Variants in HDAC7 observed in about 807,000 individuals in gnomAD.
HDAC7 encodes the protein histone deacetylase 7.
HDAC7 carries 26 observed loss-of-function variants against 115.5 expected under a neutral mutation model. The ratio of observed to expected loss-of-function variants is 0.23; its 90% CI spans 0.16 to 0.31. The LOEUF (loss-of-function observed/expected upper bound fraction) is 0.31, where lower values mean the gene tolerates loss of function less well. Among genes scored for constraint, HDAC7 ranks in the 10% least tolerant of loss-of-function variants. HDAC7 has a pLI of 1.00. For missense variants in HDAC7, 1,068 were observed against 1,329.0 expected (o/e 0.80, Z 3.05); for synonymous variants, 564 against 550.9 (o/e 1.02, Z -0.33).
chr12:47,794,559 G>C (rs1267757416), intron 12 of HDAC7, among the ~76,000 whole-genome samples: 1 of 152,244 alleles, frequency 6.6e-6, no homozygotes, highest in Admixed American at 6.5e-5. Flanking sequence ...GTGTGTATGT[G>C]TGTGTATGGG....
chr12:47,796,719 C>T (rs527767783), intron 7 of HDAC7, among the ~76,000 whole-genome samples: 3 of 152,202 alleles, frequency 2.0e-5, no homozygotes, highest in African/African-American at 4.8e-5. Context: ...CCACCGCGCC[C>T]GGCCTCCTGC....
At chr12:47,791,507 C>T (rs1943510520) in intron 15 of HDAC7, 79 bp downstream of exon 15, 5 of 1,518,478 alleles carry the variant, frequency 3.3e-6, no homozygotes, top group Middle Eastern at 3.6e-4. Flanking sequence ...GCTGGCTGGG[C>T]GGGCAGAGCC....
intron 23 of HDAC7, 21 bp downstream of exon 23, chr12:47,785,731 T>TG (rs1178506148): frequency 2.5e-6 from 4 of 1,596,652 alleles, no homozygotes; most frequent in East Asian, 2.3e-5. Flanking sequence ...GAAGCATGGA[T>TG]GGGGGAGGGA....
At position 47,797,895 on chromosome 12, in the gene HDAC7, T is replaced by A. The variant is rs11835083; in HGVS notation, c.461+213A>T. Among the ~76,000 whole-genome samples, 585 of 143,392 alleles carry A rather than the reference T, an allele frequency of 4.1e-3. 5 individuals carry two copies. Among genetic ancestry groups the A allele is most frequent in the African/African-American group, 5.6e-3 (203 of 36,488 alleles). The allele number at this position is 143,392 out of a possible 152,430, so 94.1% of individuals were successfully genotyped here. On this transcript the variant is annotated intron_variant, in intron 5 of 25. Coordinates refer to ENST00000080059, the MANE Select transcript of HDAC7 (RefSeq NM_015401.5). This position sits in a 1 kb window ranked among gnomAD's most constrained non-coding sequence, Gnocchi z 5.5. The stretch of plus-strand genomic sequence containing the variant: ...GTGTGTGTGTGTGTGTGTGTGTGTG[T>A]GAGAAGGGCTCAGGTGGGGTGGGGA...
chr12:47,821,324 C>G (rs1259964924), upstream of HDAC7, among the ~76,000 whole-genome samples: 4 of 152,162 alleles, frequency 2.6e-5, no homozygotes, highest in East Asian at 7.7e-4. Context: ...CTGTTGCTAC[C>G]GGCATATTCA....
At position 47,818,203 on chromosome 12, in the gene HDAC7, G is replaced by C. The variant is rs751599223; in HGVS notation, c.19+1564C>G. Among the ~76,000 whole-genome samples, 3 of 152,274 alleles carry C rather than the reference G, an allele frequency of 2.0e-5. No individual in the cohort carries two copies. In the South Asian group the frequency reaches 6.2e-4, roughly 32 times the overall value. On this transcript the variant is annotated intron_variant, in intron 1 of 25. Transcript: ENST00000080059. ...AGACACCCGCCGAATAAGGGACACA[G>C]AGGCCTCTGGAGAACACTGCACCAG...
Position 47,793,331 on chromosome 12 carries a change from G to GCCCCCCCC in HDAC7, c.1678+37_1678+38insGGGGGGGG. The stretch of plus-strand genomic sequence containing the variant: ...CACCCACATGGACTCGTGCAGCCGA[G>GCCCCCCCC]CCCCTCCCTCCACCCGCCACCCTCC... On this transcript the variant is annotated intron_variant, in intron 13 of 25. Coordinates refer to ENST00000080059, the MANE Select transcript of HDAC7 (RefSeq NM_015401.5). This position sits in a 1 kb window ranked among gnomAD's most constrained non-coding sequence, Gnocchi z 4.5. 5.4e-6 allele frequency: 7 copies of GCCCCCCCC among 1,305,480 alleles called. No homozygotes were observed. Among genetic ancestry groups the GCCCCCCCC allele is most frequent in the Middle Eastern group, 2.7e-4 (1 of 3,720 alleles). The allele number at this position is 1,305,480 out of a possible 1,614,324, so 80.9% of individuals were successfully genotyped here.
chr12:47,813,285 G>C lies in HDAC7; in HGVS notation c.19+6482C>G, dbSNP rs1488329579. 6 of 151,788 alleles carry C rather than the reference G, an allele frequency of 4.0e-5. No homozygotes were observed. In the East Asian group the frequency reaches 1.2e-3, roughly 30 times the overall value. 9.4% of individuals were successfully genotyped at this position (151,788 alleles called of 1,614,324 possible). A position where few individuals can be genotyped will look rare whatever the true frequency, so the allele number is the denominator to read the frequency against. ...ACGCGCCTGGGAGGGCGCAGCGGAC[G>C]TCCCGGACGTGCAGGTTTGTGGGGC... is the stretch of plus-strand genomic sequence containing the variant. On this transcript the variant is annotated intron_variant, in intron 1 of 25. Coordinates refer to ENST00000080059, the MANE Select transcript of HDAC7 (RefSeq NM_015401.5).
At chr12:47,804,541 G>C (rs1053688303) in intron 1 of HDAC7, among the ~76,000 whole-genome samples, 2 of 146,814 alleles carry the variant, frequency 1.4e-5, no homozygotes, top group Non-Finnish European at 3.0e-5. Flanking sequence ...AAAAAAAAAA[G>C]AGAAGTAAAT....
chr12:47,784,329 G>A, intron 24 of HDAC7, 112 bp from the exon 25 acceptor site: 1 of 1,225,360 alleles, frequency 8.2e-7, no homozygotes, highest in Non-Finnish European at 1.1e-6. Flanking sequence ...GGAGGAGCGG[G>A]CCTGTCCTCC....
chr12:47,785,622 C>T, intron 23 of HDAC7, 130 bp downstream of exon 23: 1 of 1,378,960 alleles, frequency 7.3e-7, no homozygotes, highest in Non-Finnish European at 9.8e-7. Flanking sequence ...GAGGCTTCCG[C>T]TTCGCCTACC....
chr12:47,787,935 G>C, intron 20 of HDAC7, 110 bp downstream of exon 20: 1 of 1,562,244 alleles, frequency 6.4e-7, no homozygotes, highest in Non-Finnish European at 8.7e-7. Flanking sequence ...TTTAGGATCA[G>C]AGAGGCTCAG....
At position 47,783,308 on chromosome 12, in the gene HDAC7, C is replaced by T. The variant is rs529057782; in HGVS notation, c.*533G>A. 246 of 156,914 alleles carry T rather than the reference C, an allele frequency of 1.6e-3. No individual in the cohort carries two copies. Among genetic ancestry groups the T allele is most frequent in the African/African-American group, 5.3e-3 (219 of 41,550 alleles). The allele number at this position is 156,914 out of a possible 1,614,324, so 9.7% of individuals were successfully genotyped here. On this transcript the variant is annotated 3_prime_UTR_variant, in exon 26 of 26. Transcript: ENST00000080059. ...AGTGCCCAGTGGTAGAGGGAAGCTT[C>T]CAGAGTCGTCTGAGGAAGCAGGTGA...
chr12:47,789,479 C>T (rs765030024), intron 18 of HDAC7, 44 bp downstream of exon 18: 1 of 1,600,160 alleles, frequency 6.2e-7, no homozygotes, highest in South Asian at 1.1e-5. Flanking sequence ...TTCCTGGGGG[C>T]TTGCCCCCCA....
chr12:47,802,412 C>A (rs1377135010), intron 1 of HDAC7, 138 bp from the exon 2 acceptor site: 1 of 1,540,716 alleles, frequency 6.5e-7, no homozygotes, highest in Non-Finnish European at 8.8e-7. Flanking sequence ...CCACCAGAAG[C>A]TAATCAAAAC....
chr12:47,803,855 C>G lies in HDAC7; in HGVS notation c.20-1581G>C, dbSNP rs997954684. On this transcript the variant is annotated intron_variant, in intron 1 of 25. Coordinates refer to ENST00000080059, the MANE Select transcript of HDAC7 (RefSeq NM_015401.5). The surrounding 1 kb of genome is among the most constrained non-coding windows in gnomAD (Gnocchi z 4.0). ...CGACATGGTAACCCCCAATCCCAGG[C>G]CTTCTTAGTACCTCTTCTTTCTTCT... 6.6e-6 allele frequency among the ~76,000 whole-genome samples: 1 copy of G among 152,222 alleles called. No homozygotes were observed. Among genetic ancestry groups the G allele is most frequent in the Non-Finnish European group, 1.5e-5 (1 of 68,030 alleles).
intron 2 of HDAC7, among the ~76,000 whole-genome samples, chr12:47,800,172 G>T (rs763511819): frequency 6.6e-6 from 1 of 152,180 alleles, no homozygotes. Context: ...CTGGCCCCGG[G>T]GGGTAGTCAT....
At chr12:47,808,263 T>C (rs739842) in intron 1 of HDAC7, among the ~76,000 whole-genome samples, 109,767 of 152,062 alleles carry the variant, frequency 0.72, 40,736 homozygotes, top group African/African-American at 0.9. Context: ...GAATCCCACA[T>C]GCGGCTGTTG....
chr12:47,815,533 C>T (rs1592073164), intron 1 of HDAC7, among the ~76,000 whole-genome samples: 1 of 152,316 alleles, frequency 6.6e-6, no homozygotes, highest in East Asian at 1.9e-4. Flanking sequence ...CCCAGGATCA[C>T]CTGAAGCACC....
Sources: gnomAD v4.1 joint callset for allele counts (sites outside exome capture counted in the v4.1 genomes callset) on GRCh38, gnomAD v4.1.1 for gene constraint, Gnocchi (gnomAD v3.1) non-coding constraint, MANE v1.5 for transcripts, NCBI Gene and HGNC (gene_info 2026-07-23, HGNC 2026-07-21) for gene names.